Variants in ATXN1 observed in about 807,000 individuals in gnomAD.
ATXN1 encodes ataxin 1, also known as ataxin-1.
Under a neutral mutation model 56.4 loss-of-function variants are expected in ATXN1, and 8 were observed. The observed-to-expected ratio is 0.14, with a 90% CI of 0.08 to 0.26. The LOEUF (loss-of-function observed/expected upper bound fraction) is 0.26, where lower values mean the gene tolerates loss of function less well. ATXN1 is among the 10% of genes least tolerant of loss of function. The pLI is 1.00. For missense variants in ATXN1, 987 were observed against 1,106.5 expected, an observed-to-expected ratio of 0.89 and a Z score of 1.53; for synonymous variants, 514 against 494.6, an observed-to-expected ratio of 1.04 and a Z score of -0.52.
At chr6:16,377,107 A>G (rs1252642500) in intron 6 of ATXN1, among the ~76,000 whole-genome samples, 1 of 152,210 alleles carries the variant, frequency 6.6e-6, no homozygotes, top group Non-Finnish European at 1.5e-5. Flanking sequence ...CCATGTGAGG[A>G]CACACCAAGA....
intron 2 of ATXN1, among the ~76,000 whole-genome samples, chr6:16,666,120 C>T (rs1460503688): frequency 6.6e-6 from 1 of 152,116 alleles, no homozygotes. Context: ...ACTAACCAAC[C>T]TCTCTTTATT....
chr6:16,551,257 A>G (rs1305248975), intron 4 of ATXN1, among the ~76,000 whole-genome samples: 1 of 152,196 alleles, frequency 6.6e-6, no homozygotes, highest in Admixed American at 6.5e-5. Flanking sequence ...TAGAACACAT[A>G]AAGGAAGCTA....
At position 16,303,981 on chromosome 6, in the gene ATXN1, C is replaced by T. The variant is rs1292561915; in HGVS notation, c.*2348G>A. The T allele has an allele frequency of 6.6e-6, 1 of 152,542 alleles. No homozygotes were observed. Among genetic ancestry groups the T allele is most frequent in the Non-Finnish European group, 1.5e-5 (1 of 68,034 alleles). The allele number at this position is 152,542 out of a possible 1,614,324, so 9.4% of individuals were successfully genotyped here. A position where few individuals can be genotyped will look rare whatever the true frequency, so the allele number is the denominator to read the frequency against. On this transcript the variant is annotated 3_prime_UTR_variant, in exon 8 of 8. Transcript: ENST00000436367. The surrounding 1 kb of genome is among the most constrained non-coding windows in gnomAD (Gnocchi z 4.3). ...AGCAGTATGACTGCAAGAATGAGCC[C>T]ACCCAGCTCTCTGCAAGCATGCTGA...
At chr6:16,594,528 G>A (rs996695826) in intron 3 of ATXN1, among the ~76,000 whole-genome samples, 3 of 149,290 alleles carry the variant, frequency 2.0e-5, no homozygotes, top group Non-Finnish European at 4.4e-5. Flanking sequence ...CTGTCGCCAG[G>A]CTGGAGTGCA....
chr6:16,362,243 C>G (rs551887296), intron 6 of ATXN1, among the ~76,000 whole-genome samples: 46 of 152,254 alleles, frequency 3.0e-4, no homozygotes, highest in African/African-American at 1.1e-3. Context: ...TCTGACTGGA[C>G]GGATGGCTTT....
chr6:16,338,410 T>C (rs1012174473), intron 6 of ATXN1, among the ~76,000 whole-genome samples: 1 of 152,128 alleles, frequency 6.6e-6, no homozygotes, highest in African/African-American at 2.4e-5. Context: ...GGAGAATCGC[T>C]TGAACCCAGG....
intron 4 of ATXN1, among the ~76,000 whole-genome samples, chr6:16,549,650 C>T (rs761210201): frequency 9.2e-5 from 14 of 152,090 alleles, no homozygotes; most frequent in Non-Finnish European, 1.5e-4. Flanking sequence ...GTAATCCCAG[C>T]ACTTTGGGAG....
chr6:16,514,411 C>G (rs73724884), intron 5 of ATXN1, among the ~76,000 whole-genome samples: 1 of 152,150 alleles, frequency 6.6e-6, no homozygotes, highest in Non-Finnish European at 1.5e-5. Flanking sequence ...AGGAGAGAGA[C>G]AGTTCTCATG....
At chr6:16,731,938 G>A (rs986960708) in intron 2 of ATXN1, among the ~76,000 whole-genome samples, 1 of 151,912 alleles carries the variant, frequency 6.6e-6, no homozygotes, top group Non-Finnish European at 1.5e-5. Context: ...TTTCTTAGCT[G>A]GTGCCAATTC....
intron 4 of ATXN1, among the ~76,000 whole-genome samples, chr6:16,546,022 A>G (rs1461350641): frequency 6.6e-6 from 1 of 152,252 alleles, no homozygotes; most frequent in Non-Finnish European, 1.5e-5. Flanking sequence ...GGAACAGACC[A>G]AAGCAAAGGG....
chr6:16,522,010 A>G (rs1761303063), intron 5 of ATXN1, among the ~76,000 whole-genome samples: 2 of 152,206 alleles, frequency 1.3e-5, no homozygotes, highest in South Asian at 4.1e-4. Context: ...TAAACTACCT[A>G]TAACTCTACA....
At chr6:16,394,945 G>A (rs1758422076) in intron 6 of ATXN1, among the ~76,000 whole-genome samples, 2 of 152,266 alleles carry the variant, frequency 1.3e-5, no homozygotes, top group South Asian at 2.1e-4. Flanking sequence ...AGAGCTAACA[G>A]TTAAGCTTGA....
intron 1 of ATXN1, among the ~76,000 whole-genome samples, chr6:16,759,661 C>A (rs1457420766): frequency 6.6e-6 from 1 of 151,084 alleles, no homozygotes; most frequent in African/African-American, 2.4e-5. Context: ...AGAGCAGCCA[C>A]GGGCTCGAAC....
chr6:16,607,218 T>TC (rs1386224018), intron 3 of ATXN1, among the ~76,000 whole-genome samples: 7 of 152,194 alleles, frequency 4.6e-5, no homozygotes, highest in Admixed American at 4.6e-4. Flanking sequence ...AAACTAGTCC[T>TC]TTGTGGCCTT....
At chr6:16,308,873 ATAAT>A (rs1471189555) in intron 7 of ATXN1, among the ~76,000 whole-genome samples, 9 of 152,162 alleles carry the variant, frequency 5.9e-5, no homozygotes, top group African/African-American at 2.2e-4. Context: ...TATGCTTACA[ATAAT>A]TAAGAAGATT....
At chr6:16,439,359 GGCGGGGCCGGGGGCGGGGCGGGAATAA>G (rs1759460455) in intron 6 of ATXN1, among the ~76,000 whole-genome samples, 1 of 18,918 alleles carries the variant, frequency 5.3e-5, no homozygotes, top group African/African-American at 2.0e-4. Flanking sequence ...GGGGGGGGGG[GGCGGGGCCGGGGGCGGGGCGGGAATAA>G]GGGTTGGGGT....
chr6:16,452,105 A>G (rs1213972432), intron 6 of ATXN1, among the ~76,000 whole-genome samples: 1 of 152,214 alleles, frequency 6.6e-6, no homozygotes, highest in Admixed American at 6.5e-5. Context: ...TGCCTACTAT[A>G]GCAAGTAGAA....
rs1442710724 is a variant in ATXN1, at chr6:16,690,169, T to G, written c.-614-32268A>C. 5.9e-5 allele frequency among the ~76,000 whole-genome samples: 9 copies of G among 152,206 alleles called. No individual in the cohort carries two copies. In the South Asian group the frequency reaches 1.2e-3, roughly 21 times the overall value. ...TGAACTCCTCTGCTCAAGTGACCCT[T>G]TGGCTGGGACTGCATGAGCACACCA... On this transcript the variant is annotated intron_variant, in intron 2 of 7. Transcript: ENST00000436367.
intron 2 of ATXN1, among the ~76,000 whole-genome samples, chr6:16,691,239 TC>T (rs1482810083): frequency 6.6e-6 from 1 of 152,224 alleles, no homozygotes; most frequent in East Asian, 1.9e-4. Context: ...ATGGCAAAGC[TC>T]CCTGAGGGGA....
Sources: allele counts gnomAD v4.1 joint callset (sites outside exome capture counted in the v4.1 genomes callset), GRCh38; gene constraint gnomAD v4.1.1; non-coding constraint Gnocchi (gnomAD v3.1); transcripts MANE v1.5; gene names NCBI Gene and HGNC (gene_info 2026-07-23, HGNC 2026-07-21).